Variants in ARL8B observed in about 807,000 individuals in gnomAD.
ARL8B encodes ARF like GTPase 8B.
ARL8B carries 9 observed loss-of-function variants against 30.6 expected under a neutral mutation model. The ratio of observed to expected loss-of-function variants is 0.29; its 90% confidence interval spans 0.18 to 0.51. ARL8B has a LOEUF of 0.51. Among genes scored for constraint, ARL8B ranks in the 20% least tolerant of loss-of-function variants. ARL8B has a pLI of 0.97. For synonymous variants in ARL8B, 74 were observed against 76.0 expected (o/e 0.97, Z 0.14); for missense variants, 130 against 227.2 (o/e 0.57, Z 2.75).
intron 1 of ARL8B, among the ~76,000 whole-genome samples, chr3:5,151,239 T>TG (rs2054480464): frequency 6.6e-6 from 1 of 152,094 alleles, no homozygotes; most frequent in Non-Finnish European, 1.5e-5. Context: ...ATTTCTTAAA[T>TG]GGGGGGCTTA....
chr3:5,122,684 T>G (rs2054192352), intron 1 of ARL8B, 96 bp downstream of exon 1: 2 of 1,348,890 alleles, frequency 1.5e-6, no homozygotes, highest in Admixed American at 2.6e-5. Context: ...CTCGGCGCGA[T>G]GGGACTGATG....
Position 5,172,131 on chromosome 3 carries a change from G to T in ARL8B, c.205-19G>T, listed in dbSNP as rs2054682157. ...AATTAAAATATCTTTATTAAGAATT[G>T]CCTTGTTTTGATTTAAAGATCTGGG... is the stretch of plus-strand genomic sequence containing the variant. On this transcript the variant is annotated intron_variant, in intron 2 of 6. Transcript: ENST00000256496. The T allele has an allele frequency of 1.2e-6, 2 of 1,602,006 alleles. No homozygotes were observed. Among genetic ancestry groups the T allele is most frequent in the East Asian group, 2.2e-5 (1 of 44,772 alleles).
At chr3:5,163,994 G>A (rs899188224) in intron 1 of ARL8B, among the ~76,000 whole-genome samples, 3 of 152,200 alleles carry the variant, frequency 2.0e-5, no homozygotes, top group Admixed American at 1.3e-4. Flanking sequence ...TTTGTCCCTC[G>A]GTAGATGCGG....
chr3:5,140,779 C>T (rs144360680), intron 1 of ARL8B, among the ~76,000 whole-genome samples: 9 of 152,214 alleles, frequency 5.9e-5, no homozygotes, highest in Non-Finnish European at 1.0e-4. Context: ...GAAACCATGA[C>T]GGGTTACTAC....
Position 5,180,481 on chromosome 3 carries a change from G to A in ARL8B, c.*1768G>A, listed in dbSNP as rs910127935. ...TAAAAGGAGGAATTGGAACTAGAAT[G>A]TGTGACTCTGTGGGGACTGCATAGG... On this transcript the variant is annotated 3_prime_UTR_variant, in exon 7 of 7. Transcript: ENST00000256496. 1 of 152,524 alleles carries A rather than the reference G, an allele frequency of 6.6e-6. No individual in the cohort carries two copies. The highest frequency in any genetic ancestry group is 2.4e-5 in the African/African-American group (1 of 41,472). 9.4% of individuals were successfully genotyped at this position (152,524 alleles called of 1,614,324 possible).
At chr3:5,152,852 C>T (rs1044452628) in intron 1 of ARL8B, among the ~76,000 whole-genome samples, 2 of 152,186 alleles carry the variant, frequency 1.3e-5, no homozygotes, top group Non-Finnish European at 2.9e-5. Context: ...TTGACAGTTT[C>T]TGTCTTTTCA....
intron 1 of ARL8B, among the ~76,000 whole-genome samples, chr3:5,169,015 T>TCTA (rs2054646971): frequency 6.6e-6 from 1 of 152,220 alleles, no homozygotes; most frequent in Admixed American, 6.5e-5. Flanking sequence ...ACCTTGGGAC[T>TCTA]CTACTACCTG....
intron 1 of ARL8B, among the ~76,000 whole-genome samples, chr3:5,145,225 T>TTC (rs2054408124): frequency 6.6e-6 from 1 of 152,192 alleles, no homozygotes; most frequent in Non-Finnish European, 1.5e-5. Context: ...TGGCTCTTTG[T>TTC]TCTCTCCTTT....
chr3:5,136,403 G>C (rs1037279722), intron 1 of ARL8B, among the ~76,000 whole-genome samples: 1 of 152,132 alleles, frequency 6.6e-6, no homozygotes, highest in Non-Finnish European at 1.5e-5. Flanking sequence ...TGAGTTATGA[G>C]GAATCTGGGT....
At chr3:5,123,917 A>T (rs1478476244) in intron 1 of ARL8B, among the ~76,000 whole-genome samples, 1 of 152,160 alleles carries the variant, frequency 6.6e-6, no homozygotes, top group Non-Finnish European at 1.5e-5. Context: ...TTTGTCCCCC[A>T]GGCTGGAGTG....
At chr3:5,174,727 ATG>A (rs2054712233) in intron 6 of ARL8B, among the ~76,000 whole-genome samples, 1 of 91,390 alleles carries the variant, frequency 1.1e-5, no homozygotes, top group Non-Finnish European at 2.1e-5. Flanking sequence ...TATATATTAT[ATG>A]TAATATATAT....
chr3:5,124,256 AT>A (rs35897178), intron 1 of ARL8B, among the ~76,000 whole-genome samples: 1,057 of 105,600 alleles, frequency 0.01, 5 homozygotes, highest in African/African-American at 0.015. Flanking sequence ...AATACCACTA[AT>A]TTTTTTTTTT....
intron 1 of ARL8B, among the ~76,000 whole-genome samples, chr3:5,149,264 G>GAGTTA (rs2054457148): frequency 6.6e-6 from 1 of 152,222 alleles, no homozygotes; most frequent in African/African-American, 2.4e-5. Flanking sequence ...TGGAATAACA[G>GAGTTA]TCTTGGGTTT....
chr3:5,170,781 G>T (rs561138526), intron 2 of ARL8B, 198 bp downstream of exon 2: 4 of 471,042 alleles, frequency 8.5e-6, no homozygotes, highest in Admixed American at 3.8e-5. Context: ...ACCCAGGCTG[G>T]AGTGCAGTGT....
chr3:5,140,428 T>G (rs902086835), intron 1 of ARL8B, among the ~76,000 whole-genome samples: 3 of 152,214 alleles, frequency 2.0e-5, no homozygotes, highest in African/African-American at 7.2e-5. Context: ...TTTCTTCATC[T>G]TGTGCCGTGA....
At chr3:5,125,994 A>G (rs1200629571) in intron 1 of ARL8B, among the ~76,000 whole-genome samples, 3 of 152,200 alleles carry the variant, frequency 2.0e-5, no homozygotes, top group Admixed American at 6.6e-5. Context: ...TACTCCATAA[A>G]TGTATACAAT....
intron 1 of ARL8B, among the ~76,000 whole-genome samples, chr3:5,141,061 C>T (rs2054369237): frequency 6.6e-6 from 1 of 152,142 alleles, no homozygotes; most frequent in African/African-American, 2.4e-5. Context: ...TTTTATTATC[C>T]CCCTTATAAG....
intron 1 of ARL8B, among the ~76,000 whole-genome samples, chr3:5,134,766 T>C (rs1341178173): frequency 6.6e-6 from 1 of 152,224 alleles, no homozygotes; most frequent in Non-Finnish European, 1.5e-5. Context: ...AATGGATTTA[T>C]AGTGCTCACA....
chr3:5,178,522 T>G, intron 6 of ARL8B, 142 bp from the exon 7 acceptor site: 1 of 634,382 alleles, frequency 1.6e-6, no homozygotes, highest in Non-Finnish European at 2.6e-6. Context: ...GTTCGGGTAA[T>G]GGAGTATGGT....
Sources: allele counts gnomAD v4.1 joint callset (sites outside exome capture counted in the v4.1 genomes callset), GRCh38; gene constraint gnomAD v4.1.1; transcripts MANE v1.5; gene names NCBI Gene and HGNC (gene_info 2026-07-23, HGNC 2026-07-21).